Variants in NUP93 observed in about 807,000 individuals in gnomAD.
The protein encoded by NUP93 is nucleoporin 93.
In NUP93, 55 loss-of-function variants were observed where a neutral mutation model predicts 107.8. That is an observed-to-expected ratio of 0.51 (90% confidence interval 0.41 to 0.64). The LOEUF (loss-of-function observed/expected upper bound fraction) is 0.64, where lower values mean the gene tolerates loss of function less well. NUP93 is among the 30% of genes least tolerant of loss of function. The pLI is 0.00. For missense variants in NUP93, 937 were observed against 1,044.7 expected (o/e 0.90, Z 1.42); for synonymous variants, 390 against 397.5 (o/e 0.98, Z 0.22).
intron 3 of NUP93, among the ~76,000 whole-genome samples, chr16:56,773,887 T>C (rs1695029710): frequency 6.6e-6 from 1 of 152,224 alleles, no homozygotes; most frequent in African/African-American, 2.4e-5. Context: ...AGTGTTTGAG[T>C]CCATAAAGAA....
chr16:56,788,369 C>T (rs151120278), intron 3 of NUP93, among the ~76,000 whole-genome samples: 10 of 152,328 alleles, frequency 6.6e-5, no homozygotes, highest in African/African-American at 2.4e-4. Context: ...TTTCCCTATC[C>T]CTCTTGTGAC....
At chr16:56,759,853 GT>G (rs1463632290) in intron 3 of NUP93, among the ~76,000 whole-genome samples, 2 of 152,054 alleles carry the variant, frequency 1.3e-5, no homozygotes, top group African/African-American at 4.8e-5. Flanking sequence ...CGTTTTTAAT[GT>G]TGAAAATACC....
chr16:56,807,283 C>T (rs540781355), intron 5 of NUP93, among the ~76,000 whole-genome samples: 8 of 152,316 alleles, frequency 5.3e-5, no homozygotes, highest in Admixed American at 2.6e-4. Context: ...TCACTTCCTT[C>T]GGATATTTAC....
At chr16:56,829,639 C>T (rs1432177368) in intron 9 of NUP93, among the ~76,000 whole-genome samples, 7 of 152,170 alleles carry the variant, frequency 4.6e-5, no homozygotes, top group Admixed American at 3.9e-4. Flanking sequence ...AGGAGTTCAC[C>T]AACCTGAAGT....
At chr16:56,806,658 A>G (rs1231858275) in intron 5 of NUP93, among the ~76,000 whole-genome samples, 2 of 152,196 alleles carry the variant, frequency 1.3e-5, no homozygotes, top group African/African-American at 2.4e-5. Flanking sequence ...ATGGGCCTCT[A>G]TATTGTGCTG....
At chr16:56,823,661 T>G (rs1292454885) in intron 7 of NUP93, 46 bp from the exon 8 acceptor site, 25 of 1,604,224 alleles carry the variant, frequency 1.6e-5, no homozygotes, top group Non-Finnish European at 2.1e-5. Context: ...CTAGATAATT[T>G]CTCTGGCCCT....
intron 1 of NUP93, among the ~76,000 whole-genome samples, chr16:56,731,201 C>T (rs1961528952): frequency 6.6e-6 from 1 of 152,088 alleles, no homozygotes; most frequent in South Asian, 2.1e-4. Flanking sequence ...TTTTATCCAG[C>T]CACCCACTTA....
chr16:56,790,498 C>T (rs1364123213), intron 3 of NUP93, among the ~76,000 whole-genome samples: 2 of 152,178 alleles, frequency 1.3e-5, no homozygotes, highest in African/African-American at 2.4e-5. Flanking sequence ...AGCCCAGAGG[C>T]TCTCCAGGTA....
At chr16:56,748,104 T>C (rs1479571047) in intron 1 of NUP93, 130 bp from the exon 2 acceptor site, 1 of 575,926 alleles carries the variant, frequency 1.7e-6, no homozygotes, top group East Asian at 2.8e-5. Context: ...AAATCCTGCT[T>C]GTTGATGAGC....
rs552944334 is a variant in NUP93, at chr16:56,737,411, A to G, written c.-15+7200A>G. On this transcript the variant is annotated intron_variant, in intron 1 of 21. Transcript: ENST00000308159. ...AGTCTAATTACTTCCCAAAGACCCC[A>G]TCTCCAAATAGCATCACATTGTGGG... Among the ~76,000 whole-genome samples, 14 of 152,268 alleles carry G rather than the reference A, an allele frequency of 9.2e-5. No individual in the cohort carries two copies. In the East Asian group the frequency reaches 1.7e-3, roughly 19 times the overall value.
Position 56,833,290 on chromosome 16 carries a change from C to T in NUP93, c.1421C>T (p.Ala474Val), listed in dbSNP as rs1963835515. Residue 474 changes from alanine to valine, a missense_variant, in exon 13 of 22, where the codon GCA becomes GTA. Transcript: ENST00000308159. Reference protein sequence around the residue: ...QVLFLTAQFEAAVAFLFRMER... With the variant: ...QVLFLTAQFEVAVAFLFRMER... ...CTGTTCCTGACAGCGCAGTTTGAAG[C>T]AGCAGTTGCCTTTCTTTTCCGCATG... The T allele has an allele frequency of 6.2e-7, 1 of 1,607,250 alleles. No homozygotes were observed. The highest frequency in any genetic ancestry group is 8.5e-7 in the Non-Finnish European group (1 of 1,177,866).
At chr16:56,780,480 A>G (rs1005756848) in intron 3 of NUP93, among the ~76,000 whole-genome samples, 5 of 152,088 alleles carry the variant, frequency 3.3e-5, no homozygotes, top group African/African-American at 9.7e-5. Flanking sequence ...TTTTTAGTTT[A>G]CTTGGGGTTT....
chr16:56,777,692 G>A lies in NUP93; in HGVS notation c.297+19037G>A, dbSNP rs150019997. ...TCATTTTCCCCGAACTTCCGTGGCT[G>A]TAGTTGCATATAATGAGGAAGCCAA... On this transcript the variant is annotated intron_variant, in intron 3 of 21. Transcript: ENST00000308159. Among the ~76,000 whole-genome samples the A allele has an allele frequency of 2.3e-3, 351 of 152,296 alleles. 2 individuals carry two copies. Among genetic ancestry groups the A allele is most frequent in the African/African-American group, 7.9e-3 (328 of 41,560 alleles).
rs1370729405 is a variant in NUP93, at chr16:56,845,136, A to C, written c.*527A>C. The C allele has an allele frequency of 5.2e-6, 1 of 191,444 alleles. No individual in the cohort carries two copies. Among genetic ancestry groups the C allele is most frequent in the African/African-American group, 2.3e-5 (1 of 43,064 alleles). The allele number at this position is 191,444 out of a possible 1,614,324, so 11.9% of individuals were successfully genotyped here. A position where few individuals can be genotyped will look rare whatever the true frequency, so the allele number is the denominator to read the frequency against. On this transcript the variant is annotated 3_prime_UTR_variant, in exon 22 of 22. Transcript: ENST00000308159. ...GTGTGACTTAAGTCCAGATGGTCCAAGACCATCCCCCAAATCATCAGCTCT... is the reference window on the plus strand; with the variant it reads ...GTGTGACTTAAGTCCAGATGGTCCACGACCATCCCCCAAATCATCAGCTCT...
Position 56,823,680 on chromosome 16 carries a change from G to A in NUP93, c.655-27G>A, listed in dbSNP as rs371066576. ...ATAATTTCTCTGGCCCTGCAGCATT[G>A]TCACATGCAGTTTCATTTATGTGCA... On this transcript the variant is annotated intron_variant, in intron 7 of 21. Coordinates refer to ENST00000308159, the MANE Select transcript of NUP93 (RefSeq NM_014669.5). 19 of 1,611,668 alleles carry A rather than the reference G, an allele frequency of 1.2e-5. No individual in the cohort carries two copies. The African/African-American group carries it at 2.5e-4, about 22-fold the overall frequency.
chr16:56,838,832 T>C, intron 18 of NUP93, 120 bp from the exon 19 acceptor site: 1 of 727,016 alleles, frequency 1.4e-6, no homozygotes, highest in East Asian at 2.6e-5. Flanking sequence ...CCCATGTAGC[T>C]GAGATTACAG....
chr16:56,799,284 A>G (rs1962968743), intron 4 of NUP93, among the ~76,000 whole-genome samples: 1 of 152,208 alleles, frequency 6.6e-6, no homozygotes, highest in African/African-American at 2.4e-5. Context: ...AAAAGCACAC[A>G]CGCGAAACTA....
At chr16:56,821,645 G>C (rs752979456) in intron 7 of NUP93, 52 bp downstream of exon 7, 1 of 1,206,946 alleles carries the variant, frequency 8.3e-7, no homozygotes, top group Non-Finnish European at 1.2e-6. Flanking sequence ...GTTCCGATGG[G>C]CCTAGCAACT....
intron 3 of NUP93, among the ~76,000 whole-genome samples, chr16:56,778,360 T>G: frequency 6.6e-6 from 1 of 151,866 alleles, no homozygotes; most frequent in East Asian, 1.9e-4. Flanking sequence ...ATGGAAGGAG[T>G]GACTGCCAGG....
Sources: allele counts gnomAD v4.1 joint callset (sites outside exome capture counted in the v4.1 genomes callset), GRCh38; gene constraint gnomAD v4.1.1; transcripts MANE v1.5; gene names NCBI Gene and HGNC (gene_info 2026-07-23, HGNC 2026-07-21).